Variants in STOX2 observed in about 807,000 individuals in gnomAD.
The protein encoded by STOX2 is storkhead-box protein 2.
Under a neutral mutation model 60.9 loss-of-function variants are expected in STOX2, and 28 were observed. The ratio of observed to expected loss-of-function variants is 0.46; its 90% CI spans 0.34 to 0.63. The LOEUF is 0.63. STOX2 is among the 30% of genes least tolerant of loss of function. The pLI is 0.01. For missense variants in STOX2, 1,024 were observed against 1,187.7 expected, an observed-to-expected ratio of 0.86 and a Z score of 2.03; for synonymous variants, 472 against 463.9, an observed-to-expected ratio of 1.02 and a Z score of -0.22.
intron 2 of STOX2, among the ~76,000 whole-genome samples, chr4:184,008,268 T>A (rs1254056493): frequency 2.6e-5 from 4 of 152,228 alleles, no homozygotes; most frequent in African/African-American, 9.6e-5. Flanking sequence ...TAAACTCTCT[T>A]AAGAATTTAT....
intron 1 of STOX2, among the ~76,000 whole-genome samples, chr4:183,990,476 A>G (rs1733053769): frequency 6.6e-6 from 1 of 150,884 alleles, no homozygotes; most frequent in Non-Finnish European, 1.5e-5. Flanking sequence ...AGAGATCAAG[A>G]TTTATGCTTT....
At chr4:183,849,854 AT>A (rs1233311224) in intron 1 of STOX2, among the ~76,000 whole-genome samples, 1 of 151,934 alleles carries the variant, frequency 6.6e-6, no homozygotes, top group African/African-American at 2.4e-5. Flanking sequence ...TTGCCCCATG[AT>A]TTTTTTCCCA....
In STOX2 at chr4:184,010,789, G is replaced by C. The variant is rs1314832629; in HGVS notation, c.1951G>C (p.Val651Leu). 1 of 1,580,978 alleles carries C rather than the reference G, an allele frequency of 6.3e-7. No individual in the cohort carries two copies. Among genetic ancestry groups the C allele is most frequent in the Non-Finnish European group, 8.6e-7 (1 of 1,164,704 alleles). The change falls in exon 3 of 4, where the codon GTG becomes CTG. Residue 651 changes from valine (V) to leucine (L), a missense_variant. Coordinates refer to ENST00000308497, the MANE Select transcript of STOX2 (RefSeq NM_020225.3). This position sits in a 1 kb window ranked among gnomAD's most constrained non-coding sequence, Gnocchi z 4.5. ...GGTCCCCCACTCCTCCAGGGAGCCT[G>C]TGGGGCACAAGGAGGAGTCACCAAA... The part of the protein sequence containing the change: ...RQVPHSSREP[V>L]GHKEESPKGP...
In STOX2 at chr4:184,019,377, T is replaced by C. The variant is rs906932495; in HGVS notation, c.*2093T>C. ...GGTTCCCTTGGGGAGTTATATATCA[T>C]ACAGTTACTAAATATTTGTCTAAAT... On this transcript the variant is annotated 3_prime_UTR_variant, in exon 4 of 4. Transcript: ENST00000308497. 2 of 152,222 alleles carry C rather than the reference T, an allele frequency of 1.3e-5. No homozygotes were observed. Among genetic ancestry groups the C allele is most frequent in the African/African-American group, 2.4e-5 (1 of 41,468 alleles). 9.4% of individuals were successfully genotyped at this position (152,222 alleles called of 1,614,324 possible). A position where few individuals can be genotyped will look rare whatever the true frequency, so the allele number is the denominator to read the frequency against.
intron 1 of STOX2, among the ~76,000 whole-genome samples, chr4:183,913,515 A>G (rs1293024061): frequency 6.6e-6 from 1 of 152,104 alleles, no homozygotes; most frequent in Non-Finnish European, 1.5e-5. Flanking sequence ...GTTCGCGCCT[A>G]TAATCCCAGC....
At chr4:183,814,424 T>C (rs1197936182) in intron 1 of STOX2, among the ~76,000 whole-genome samples, 1 of 152,238 alleles carries the variant, frequency 6.6e-6, no homozygotes, top group East Asian at 1.9e-4. Context: ...TTTTTATAAA[T>C]GGCTCTTGGT....
At chr4:183,939,567 G>A (rs1199063542) in intron 1 of STOX2, among the ~76,000 whole-genome samples, 3 of 151,910 alleles carry the variant, frequency 2.0e-5, no homozygotes, top group Non-Finnish European at 4.4e-5. Context: ...GCTTTTAGGG[G>A]CCACCACTCA....
chr4:183,951,357 A>G (rs1471158761), intron 1 of STOX2, among the ~76,000 whole-genome samples: 2 of 151,892 alleles, frequency 1.3e-5, no homozygotes, highest in Non-Finnish European at 2.9e-5. Flanking sequence ...AAGAGGAGCA[A>G]GACTAGAGAG....
intron 1 of STOX2, among the ~76,000 whole-genome samples, chr4:183,982,937 G>A (rs1286186875): frequency 6.6e-6 from 1 of 152,102 alleles, no homozygotes; most frequent in African/African-American, 2.4e-5. Flanking sequence ...TTCAGCATGA[G>A]GAACATCTCC....
chr4:183,838,720 A>G (rs1412763991), intron 1 of STOX2, among the ~76,000 whole-genome samples: 1 of 152,186 alleles, frequency 6.6e-6, no homozygotes, highest in Non-Finnish European at 1.5e-5. Flanking sequence ...CTCTCTCTGC[A>G]GCCCCCACTT....
intron 1 of STOX2, among the ~76,000 whole-genome samples, chr4:183,916,398 C>CTT (rs1389943577): frequency 6.6e-6 from 1 of 152,176 alleles, no homozygotes; most frequent in African/African-American, 2.4e-5. Context: ...CTTCATAGTT[C>CTT]AATGTTACCA....
chr4:183,957,854 C>T (rs1263781874), intron 1 of STOX2, among the ~76,000 whole-genome samples: 2 of 150,476 alleles, frequency 1.3e-5, no homozygotes. Flanking sequence ...ACCCTGGTTT[C>T]TTTCAGGGGG....
intron 1 of STOX2, among the ~76,000 whole-genome samples, chr4:183,952,438 T>C (rs1743122703): frequency 6.6e-6 from 1 of 152,258 alleles, no homozygotes; most frequent in South Asian, 2.1e-4. Context: ...ATCTCACAAA[T>C]ATATTTAGAT....
chr4:183,878,951 G>A (rs1161658742), intron 1 of STOX2, among the ~76,000 whole-genome samples: 3 of 147,488 alleles, frequency 2.0e-5, no homozygotes, highest in Admixed American at 1.3e-4. Flanking sequence ...TTTTTTTTAG[G>A]TCTAAACTAT....
rs1734152438 is a variant in STOX2 at position 184,011,191 on chromosome 4, G to T, written c.2353G>T (p.Gly785Trp). ...CTCTGATGATGACGACTCTGAGGAA[G>T]GGGCAAACAAGAACACAGAGGAGGA... ...NVSDDDDSEEGANKNTEEEKN... is the reference protein window; with the variant it reads ...NVSDDDDSEEWANKNTEEEKN... The change falls in exon 3 of 4, where the codon GGG (glycine) becomes TGG (tryptophan). Residue 785 changes from glycine to tryptophan, a missense_variant. Around this residue, in one of 3 missense-constraint regions of STOX2, gnomAD observed 922 missense variants for 1,058.3 expected, o/e 0.87. Transcript: ENST00000308497. This position sits in a 1 kb window ranked among gnomAD's most constrained non-coding sequence, Gnocchi z 4.4. The T allele has an allele frequency of 3.1e-6, 5 of 1,596,782 alleles. No individual in the cohort carries two copies. Among genetic ancestry groups the T allele is most frequent in the African/African-American group, 2.7e-5 (2 of 73,888 alleles).
In STOX2 at chr4:183,825,702, T is replaced by C. The variant is rs1184080316; in HGVS notation, c.364+27647T>C. 6.6e-6 allele frequency among the ~76,000 whole-genome samples: 1 copy of C among 151,822 alleles called. No individual in the cohort carries two copies. Among genetic ancestry groups the C allele is most frequent in the African/African-American group, 2.4e-5 (1 of 41,122 alleles). ...ATAGCTTGACAGGACAGGGGCAACC[T>C]AGACCTAGTGGAGCAGGAGTCAGGG... On this transcript the variant is annotated intron_variant, in intron 1 of 2. Transcript: ENST00000513034. This position sits in a 1 kb window ranked among gnomAD's most constrained non-coding sequence, Gnocchi z 4.1.
chr4:183,965,124 G>C (rs79998191), intron 1 of STOX2, among the ~76,000 whole-genome samples: 3 of 152,134 alleles, frequency 2.0e-5, no homozygotes, highest in Non-Finnish European at 2.9e-5. Context: ...CAGTTATGCC[G>C]TGTTTATGAA....
intron 1 of STOX2, among the ~76,000 whole-genome samples, chr4:183,992,691 G>C (rs977677704): frequency 6.6e-6 from 1 of 152,222 alleles, no homozygotes; most frequent in Admixed American, 6.5e-5. Flanking sequence ...CTTTATCCTT[G>C]TTGGTAAGTG....
chr4:183,929,423 A>G (rs1316416775), intron 1 of STOX2, among the ~76,000 whole-genome samples: 1 of 152,134 alleles, frequency 6.6e-6, no homozygotes, highest in Non-Finnish European at 1.5e-5. Flanking sequence ...AGTAGTACAC[A>G]TTTTCTCTTT....
Sources: allele counts gnomAD v4.1 joint callset (sites outside exome capture counted in the v4.1 genomes callset), GRCh38; gene constraint gnomAD v4.1.1; regional missense constraint gnomAD v4.1.1; non-coding constraint Gnocchi (gnomAD v3.1); transcripts MANE v1.5; gene names NCBI Gene and HGNC (gene_info 2026-07-23, HGNC 2026-07-21).